Variants in COL11A1 observed in about 807,000 individuals in gnomAD.
COL11A1 encodes the protein collagen alpha-1(XI) chain.
A neutral mutation model predicts 265.2 loss-of-function variants in COL11A1; 74 were observed. The ratio of observed to expected loss-of-function variants is 0.28; its 90% CI spans 0.23 to 0.34. The LOEUF (loss-of-function observed/expected upper bound fraction) is 0.34. Ranked by LOEUF, COL11A1 falls within the 10% of genes least tolerant of loss-of-function variation. COL11A1 has a pLI of 1.00. For missense variants in COL11A1, 2,165 were observed against 2,263.6 expected (o/e 0.96, Z 0.88); for synonymous variants, 816 against 727.6 (o/e 1.12, Z -1.96).
chr1:102,909,347 T>C (rs1654373094), intron 54 of COL11A1, among the ~76,000 whole-genome samples: 2 of 152,128 alleles, frequency 1.3e-5, no homozygotes, highest in Admixed American at 6.6e-5. Flanking sequence ...GAAGCAGATG[T>C]TGGCATCATG....
Position 102,935,101 on chromosome 1 carries a change from G to A in COL11A1, c.3451C>T (p.Pro1151Ser), listed in dbSNP as rs759663106. ...CCAACTGGTCCTTGAAGACCTGGGG[G>A]ACCGGGAGGGCCCTGCAGTGAGATA... ...GDKGENGPPG[P>S]PGLQGPVGAP... Residue 1151 changes from proline (P) to serine (S), a missense_variant, in exon 45 of 67, where the codon CCC (proline) becomes TCC (serine). Physicochemically the swap from Pro to Ser is moderately conservative, Grantham distance 74. Transcript: ENST00000370096. 1 of 1,613,826 alleles carries A rather than the reference G, an allele frequency of 6.2e-7. No individual in the cohort carries two copies. Among genetic ancestry groups the A allele is most frequent in the African/African-American group, 1.3e-5 (1 of 74,928 alleles).
At chr1:102,980,739 A>C (rs1438679697) in intron 31 of COL11A1, among the ~76,000 whole-genome samples, 1 of 152,094 alleles carries the variant, frequency 6.6e-6, no homozygotes, top group African/African-American at 2.4e-5. Context: ...GTATCAGAAT[A>C]ATCTAGAGTA....
At position 102,930,602 on chromosome 1, in the gene COL11A1, C is replaced by T. The variant is rs574801012; in HGVS notation, c.3600+3847G>A. Among the ~76,000 whole-genome samples the T allele has an allele frequency of 3.9e-5, 6 of 152,258 alleles. No homozygotes were observed. In the South Asian group the frequency reaches 1.2e-3, roughly 32 times the overall value. ...GCTTTAGTATCAGAATGATGCTGGC[C>T]TCATAAAATGAATTAGGGAGGATTC... On this transcript the variant is annotated intron_variant, in intron 46 of 66. Coordinates refer to ENST00000370096, the MANE Select transcript of COL11A1 (RefSeq NM_001854.4).
intron 20 of COL11A1, 25 bp from the exon 21 acceptor site, chr1:103,003,293 C>G: frequency 4.4e-6 from 7 of 1,605,954 alleles, no homozygotes; most frequent in Non-Finnish European, 5.1e-6. Context: ...AAAAGCACGC[C>G]TTTATTAAAA....
chr1:103,045,956 T>G (rs1669225922), intron 4 of COL11A1, among the ~76,000 whole-genome samples: 1 of 151,996 alleles, frequency 6.6e-6, no homozygotes, highest in South Asian at 2.1e-4. Context: ...TCATCATTTT[T>G]TTATGGCTGC....
intron 1 of COL11A1, among the ~76,000 whole-genome samples, chr1:103,102,027 C>T (rs1674318743): frequency 6.6e-6 from 1 of 152,014 alleles, no homozygotes; most frequent in Non-Finnish European, 1.5e-5. Flanking sequence ...CCAAAGACTG[C>T]AACTGATAAA....
intron 4 of COL11A1, among the ~76,000 whole-genome samples, chr1:103,070,994 T>A (rs1477639446): frequency 1.3e-5 from 2 of 151,996 alleles, no homozygotes; most frequent in African/African-American, 2.4e-5. Context: ...CTTACTTTTT[T>A]CAGGCCTTGT....
rs756005705 is a variant in COL11A1, at chr1:103,014,490, T to A, written c.1572+21A>T. ...TACAGAGTCAGTCATCTTGTGGGAATGCAAGTTTATCCTGTCTTACCCGAG... is the reference window on the plus strand; with the variant it reads ...TACAGAGTCAGTCATCTTGTGGGAAAGCAAGTTTATCCTGTCTTACCCGAG... On this transcript the variant is annotated intron_variant, in intron 13 of 66. Coordinates refer to ENST00000370096, the MANE Select transcript of COL11A1 (RefSeq NM_001854.4). 6 of 1,604,224 alleles carry A rather than the reference T, an allele frequency of 3.7e-6. No homozygotes were observed. The South Asian group carries it at 5.5e-5, about 15-fold the overall frequency.
chr1:102,992,123 A>G (rs1664201607), intron 28 of COL11A1, among the ~76,000 whole-genome samples: 1 of 152,188 alleles, frequency 6.6e-6, no homozygotes, highest in South Asian at 2.1e-4. Context: ...AATTCAGTCT[A>G]CAGGGAGGCT....
Position 103,026,245 on chromosome 1 carries a change from C to T in COL11A1, c.868G>A (p.Val290Ile). Residue 290 changes from valine to isoleucine, a missense_variant, in exon 6 of 67, where the codon GTA becomes ATA. Physicochemically the swap from Val to Ile is conservative, Grantham distance 29. Transcript: ENST00000370096. ...GTCTGTGCTATTGTCTCCTCAGTTACAGTGGGTCCCTCTGTTACACTTTCA... is the reference window on the plus strand; with the variant it reads ...GTCTGTGCTATTGTCTCCTCAGTTATAGTGGGTCCCTCTGTTACACTTTCA... ...EAESVTEGPTVTEETIAQTEA... is the reference protein window; with the variant it reads ...EAESVTEGPTITEETIAQTEA... The T allele has an allele frequency of 1.2e-6, 2 of 1,613,496 alleles. No homozygotes were observed. The highest frequency in any genetic ancestry group is 1.7e-6 in the Non-Finnish European group (2 of 1,179,436).
intron 4 of COL11A1, among the ~76,000 whole-genome samples, chr1:103,032,592 T>G (rs1668068934): frequency 6.6e-6 from 1 of 151,986 alleles, no homozygotes; most frequent in South Asian, 2.1e-4. Context: ...ATAAGTTAAT[T>G]AGTTAATTAG....
At chr1:102,921,657 G>T (rs1365226808) in intron 47 of COL11A1, 86 bp from the exon 48 acceptor site, 4 of 1,180,680 alleles carry the variant, frequency 3.4e-6, no homozygotes, top group Admixed American at 3.9e-5. Context: ...AAATCTAAAA[G>T]AAGTTTAAGC....
Position 103,084,349 on chromosome 1 carries a change from C to A in COL11A1, c.107-1377G>T, listed in dbSNP as rs188589424. On this transcript the variant is annotated intron_variant, in intron 1 of 66. Transcript: ENST00000370096. ...AGACTCATACAGAAGTGCCATATGA[C>A]CCAGCAATTCCACTCCCACATATAT... Among the ~76,000 whole-genome samples, 289 of 152,152 alleles carry A rather than the reference C, an allele frequency of 1.9e-3. 2 individuals carry two copies. Among genetic ancestry groups the A allele is most frequent in the Middle Eastern group, 0.01 (3 of 294 alleles).
intron 13 of COL11A1, among the ~76,000 whole-genome samples, 193 bp downstream of exon 13, chr1:103,014,318 A>G (rs1666379533): frequency 6.6e-6 from 1 of 152,160 alleles, no homozygotes; most frequent in Admixed American, 6.6e-5. Context: ...TCAACTACCT[A>G]ACTATAATTT....
At chr1:103,107,793 G>T (rs976732747) in intron 1 of COL11A1, among the ~76,000 whole-genome samples, 1 of 151,978 alleles carries the variant, frequency 6.6e-6, no homozygotes, top group Non-Finnish European at 1.5e-5. Context: ...TTTCAAAGAG[G>T]CTGGAAAGTG....
rs17127270 is a variant in COL11A1, at chr1:102,940,336, G to T, written c.3375C>A (p.Asp1125Glu). The T allele has an allele frequency of 9.3e-6, 15 of 1,612,900 alleles. No homozygotes were observed. The highest frequency in any genetic ancestry group is 1.2e-5 in the Non-Finnish European group (14 of 1,179,266). Residue 1125 changes from aspartate (D) to glutamate (E), a missense_variant, in exon 43 of 67, where the codon GAC becomes GAA. Asp to Glu is a conservative substitution (Grantham distance 45). Coordinates refer to ENST00000370096, the MANE Select transcript of COL11A1 (RefSeq NM_001854.4). ...PAGPAGSPGE[D>E]GDKGEIGEPG... ...AATAATGAATACCAACCTTGTCTCC[G>T]TCTTCCCCAGGGGAGCCGGCAGGAC...
chr1:102,954,295 A>T (rs1660158044), intron 41 of COL11A1, among the ~76,000 whole-genome samples: 1 of 152,218 alleles, frequency 6.6e-6, no homozygotes, highest in South Asian at 2.1e-4. Context: ...GAGCAATGAG[A>T]ATAGAAAGTA....
chr1:103,082,887 T>C lies in COL11A1; in HGVS notation c.192A>G (p.Arg64=), dbSNP rs1672524982. Residue 64 remains arginine (R), a synonymous_variant, in exon 2 of 67, where the codon AGA becomes AGG. Transcript: ENST00000370096. ...ISKTTGFCTN[R]KNSKGSDTAY... Reference sequence around the variant, plus strand: ...CAGTATCTGAGCCTTTAGAATTCTTTCTGTTTGTGCAAAATCCCGTTGTTT... The same window carrying C: ...CAGTATCTGAGCCTTTAGAATTCTTCCTGTTTGTGCAAAATCCCGTTGTTT... 1.2e-6 allele frequency: 2 copies of C among 1,613,664 alleles called. No homozygotes were observed. The highest frequency in any genetic ancestry group is 2.7e-5 in the African/African-American group (2 of 74,916).
chr1:103,009,956 T>C (rs1471943071), intron 14 of COL11A1, among the ~76,000 whole-genome samples: 3 of 152,204 alleles, frequency 2.0e-5, no homozygotes, highest in Non-Finnish European at 4.4e-5. Context: ...TATGCAATTA[T>C]AGAATGGACT....
Sources: gnomAD v4.1 joint callset for allele counts (sites outside exome capture counted in the v4.1 genomes callset) on GRCh38, gnomAD v4.1.1 for gene constraint, MANE v1.5 for transcripts, NCBI Gene and HGNC (gene_info 2026-07-23, HGNC 2026-07-21) for gene names.